The following SLC7A5 variants were observed in gnomAD, a reference collection of about 807,000 sequenced individuals.
The protein encoded by SLC7A5 is solute carrier family 7 member 5.
A neutral mutation model predicts 50.2 loss-of-function variants in SLC7A5; 23 were observed. The ratio of observed to expected loss-of-function variants is 0.46; its 90% CI spans 0.33 to 0.65. The LOEUF (loss-of-function observed/expected upper bound fraction) is 0.65. SLC7A5 is among the 30% of genes least tolerant of loss of function. SLC7A5 has a pLI of 0.02. For missense variants in SLC7A5, 578 were observed against 684.4 expected (o/e 0.84, Z 1.73); for synonymous variants, 393 against 330.6 (o/e 1.19, Z -2.05).
intron 2 of SLC7A5, among the ~76,000 whole-genome samples, chr16:87,847,282 G>A (rs1394557676): frequency 1.3e-5 from 2 of 152,200 alleles, no homozygotes; most frequent in East Asian, 3.9e-4. Flanking sequence ...CCAGCAGCTG[G>A]GCATGTGCTG....
In SLC7A5 at chr16:87,868,866, G is replaced by A. The variant is rs1388717044; in HGVS notation, c.538+19C>T. Reference sequence around the variant, plus strand: ...AGAGACTACGACCTCCCAACCCCCGGCCCGCGCCCCGTACTCACGCACGCA... The same window carrying A: ...AGAGACTACGACCTCCCAACCCCCGACCCGCGCCCCGTACTCACGCACGCA... On this transcript the variant is annotated intron_variant, in intron 1 of 9. Transcript: ENST00000261622. 1 of 1,585,754 alleles carries A rather than the reference G, an allele frequency of 6.3e-7. No homozygotes were observed. The highest frequency in any genetic ancestry group is 1.3e-5 in the African/African-American group (1 of 74,420).
intron 3 of SLC7A5, 46 bp from the exon 4 acceptor site, chr16:87,840,519 G>C (rs761696070): frequency 3.3e-6 from 5 of 1,493,618 alleles, no homozygotes. Context: ...CCTCATCAGG[G>C]AAAATAAATC....
chr16:87,854,027 C>T (rs2055276613), intron 1 of SLC7A5: 1 of 151,752 alleles, frequency 6.6e-6, no homozygotes, highest in African/African-American at 2.4e-5. Context: ...GTAATGACGC[C>T]ATCAGGGCTG....
intron 2 of SLC7A5, among the ~76,000 whole-genome samples, chr16:87,849,802 C>G (rs1048490321): frequency 6.6e-6 from 1 of 152,062 alleles, no homozygotes; most frequent in African/African-American, 2.4e-5. Flanking sequence ...TTGGGTGGCT[C>G]TGGTACCCCG....
rs1436538726 is a variant in SLC7A5, at chr16:87,869,356, G to A, written c.67C>T (p.Arg23Trp). The change falls in exon 1 of 10, where the codon CGG becomes TGG. Residue 23 changes from arginine to tryptophan, a missense_variant. Transcript: ENST00000261622. ...APAAEEKEEA[R>W]EKMLAAKSAD... The stretch of plus-strand genomic sequence containing the variant: ...CTCTTGGCGGCCAGCATCTTCTCCC[G>A]CGCCTCTTCCTTCTCCTCGGCCGCC... The A allele has an allele frequency of 1.6e-5, 25 of 1,608,282 alleles. No individual in the cohort carries two copies. Among genetic ancestry groups the A allele is most frequent in the African/African-American group, 1.1e-4 (8 of 74,730 alleles).
intron 5 of SLC7A5, 26 bp downstream of exon 5, chr16:87,839,676 G>A (rs763387385): frequency 6.2e-7 from 1 of 1,612,516 alleles, no homozygotes; most frequent in Non-Finnish European, 8.5e-7. Context: ...CAGGCCCCTG[G>A]TGGAAGCTGG....
intron 1 of SLC7A5, among the ~76,000 whole-genome samples, chr16:87,864,664 C>T (rs2055439347): frequency 1.3e-5 from 2 of 152,230 alleles, no homozygotes; most frequent in Admixed American, 6.5e-5. Context: ...TCTGCCAGTC[C>T]AGCTGAGGGT....
In SLC7A5 at chr16:87,869,390, T is replaced by C. The variant is rs903073339; in HGVS notation, c.33A>G (p.Leu11=). MAGAGPKRRA[L]AAPAAEEKEE... The stretch of plus-strand genomic sequence containing the variant: ...CCTTCTCCTCGGCCGCCGGCGCCGC[T>C]AGCGCGCGCCGCTTCGGGCCCGCAC... Residue 11 remains leucine, a synonymous_variant, in exon 1 of 10, where the codon CTA becomes CTG. Transcript: ENST00000261622. 33 of 1,570,284 alleles carry C rather than the reference T, an allele frequency of 2.1e-5. No individual in the cohort carries two copies. Among genetic ancestry groups the C allele is most frequent in the Non-Finnish European group, 2.3e-5 (27 of 1,163,868 alleles).
At chr16:87,838,865 C>T in intron 5 of SLC7A5, 48 bp from the exon 6 acceptor site, 1 of 1,435,336 alleles carries the variant, frequency 7.0e-7, no homozygotes, top group African/African-American at 1.4e-5. Flanking sequence ...CCGGCCCTCG[C>T]CCTCCCTGTG....
chr16:87,854,157 C>T (rs117555070), intron 1 of SLC7A5, among the ~76,000 whole-genome samples: 3,139 of 145,990 alleles, frequency 0.022, 65 homozygotes, highest in Non-Finnish European at 0.034. Context: ...GAGGGGCTGA[C>T]GGGTGCCACC....
intron 1 of SLC7A5, among the ~76,000 whole-genome samples, chr16:87,864,685 T>A (rs893212505): frequency 3.5e-4 from 54 of 152,230 alleles, no homozygotes; most frequent in Non-Finnish European, 6.5e-4. Flanking sequence ...CCCAGCCGCT[T>A]ATAGGCTCCC....
At chr16:87,856,831 A>G (rs894170930) in intron 1 of SLC7A5, among the ~76,000 whole-genome samples, 1 of 152,032 alleles carries the variant, frequency 6.6e-6, no homozygotes, top group African/African-American at 2.4e-5. Flanking sequence ...CCCCGGGGGA[A>G]CTTATAAAAG....
rs1023156031 is a variant in SLC7A5, at chr16:87,833,751, C to T, written c.1468+663G>A. 2.0e-5 allele frequency among the ~76,000 whole-genome samples: 3 copies of T among 152,066 alleles called. No individual in the cohort carries two copies. Among genetic ancestry groups the T allele is most frequent in the Admixed American group, 1.3e-4 (2 of 15,282 alleles). The stretch of plus-strand genomic sequence containing the variant: ...AAGCACCCCGGCCTTTTTCTACGAG[C>T]CTGGCCACATTTGCAGGCGCTGAGG... On this transcript the variant is annotated intron_variant, in intron 9 of 9. Transcript: ENST00000261622. The surrounding 1 kb of genome is among the most constrained non-coding windows in gnomAD (Gnocchi z 6.0).
chr16:87,869,057 C>G lies in SLC7A5; in HGVS notation c.366G>C (p.Glu122Asp), dbSNP rs773727264. The G allele has an allele frequency of 4.5e-5, 72 of 1,611,748 alleles. No homozygotes were observed. The highest frequency in any genetic ancestry group is 5.7e-5 in the Non-Finnish European group (67 of 1,179,756). The change falls in exon 1 of 10, where the codon GAG becomes GAC. Residue 122 changes from glutamate (E) to aspartate (D), a missense_variant. Coordinates refer to ENST00000261622, the MANE Select transcript of SLC7A5 (RefSeq NM_003486.7). ...KSGGDYAYMLEVYGSLPAFLK... is the reference protein window; with the variant it reads ...KSGGDYAYMLDVYGSLPAFLK... ...GGAAGGCGGGCAGCGAGCCGTAGAC[C>G]TCCAGCATGTAGGCGTAGTCGCCGC...
Position 87,869,423 on chromosome 16 carries a change from G to C in SLC7A5, c.-1C>G. 1 of 1,478,286 alleles carries C rather than the reference G, an allele frequency of 6.8e-7. No homozygotes were observed. Among genetic ancestry groups the C allele is most frequent in the Non-Finnish European group, 8.9e-7 (1 of 1,125,178 alleles). The allele number at this position is 1,478,286 out of a possible 1,614,324, so 91.6% of individuals were successfully genotyped here. On this transcript the variant is annotated 5_prime_UTR_variant, in exon 1 of 10. Transcript: ENST00000261622. ...GCCGCTTCGGGCCCGCACCCGCCAT[G>C]CTCTGCGCACCGGCCGGGCCTGGGA...
chr16:87,848,400 G>A (rs2055179784), intron 2 of SLC7A5, among the ~76,000 whole-genome samples: 1 of 152,246 alleles, frequency 6.6e-6, no homozygotes, highest in Non-Finnish European at 1.5e-5. Context: ...CGCCCTGCAG[G>A]CGAAGGCCCA....
In SLC7A5 at chr16:87,860,064, G is replaced by A. The variant is rs1365218389; in HGVS notation, c.539-8215C>T. Among the ~76,000 whole-genome samples the A allele has an allele frequency of 6.6e-6, 1 of 152,030 alleles. No individual in the cohort carries two copies. Among genetic ancestry groups the A allele is most frequent in the Non-Finnish European group, 1.5e-5 (1 of 68,016 alleles). On this transcript the variant is annotated intron_variant, in intron 1 of 9. Transcript: ENST00000261622. The surrounding 1 kb of genome is among the most constrained non-coding windows in gnomAD (Gnocchi z 4.8). Reference sequence around the variant, plus strand: ...CAGAAAATCTTTTGCCAGGCACGGTGGCTCACACCTGTAATCCCAGCACTT... The same window carrying A: ...CAGAAAATCTTTTGCCAGGCACGGTAGCTCACACCTGTAATCCCAGCACTT...
intron 2 of SLC7A5, among the ~76,000 whole-genome samples, chr16:87,844,538 G>C (rs1458212812): frequency 3.3e-5 from 5 of 152,226 alleles, no homozygotes; most frequent in Non-Finnish European, 7.3e-5. Context: ...GTGGGAACGG[G>C]ATCTTCCCCC....
rs376938738 is a variant in SLC7A5, at chr16:87,863,986, A to AAAAAAAAT, written c.538+4898_538+4899insATTTTTTT. Among the ~76,000 whole-genome samples the AAAAAAAAT allele has an allele frequency of 6.1e-4, 51 of 83,276 alleles. 1 individual carries two copies. The highest frequency in any genetic ancestry group is 1.8e-3 in the African/African-American group (47 of 25,716). The allele number at this position is 83,276 out of a possible 152,430, so 54.6% of individuals were successfully genotyped here. On this transcript the variant is annotated intron_variant, in intron 1 of 9. Transcript: ENST00000261622. ...CCAACCTTATGTGTGATCATTTAAA[A>AAAAAAAAT]ATATATATATATATATATATATCAG...
Sources: allele counts gnomAD v4.1 joint callset (sites outside exome capture counted in the v4.1 genomes callset), GRCh38; gene constraint gnomAD v4.1.1; non-coding constraint Gnocchi (gnomAD v3.1); transcripts MANE v1.5; gene names NCBI Gene and HGNC (gene_info 2026-07-23, HGNC 2026-07-21).